Variants in ROBO2 observed in about 807,000 individuals in gnomAD.
The protein encoded by ROBO2 is roundabout homolog 2.
A neutral mutation model predicts 160.8 loss-of-function variants in ROBO2; 53 were observed. The observed-to-expected ratio is 0.33, with a 90% CI of 0.26 to 0.41. The LOEUF is 0.41. Among genes scored for constraint, ROBO2 ranks in the 10% least tolerant of loss-of-function variants. ROBO2 has a pLI of 1.00. For missense variants in ROBO2, 1,577 were observed against 1,722.4 expected, an observed-to-expected ratio of 0.92 and a Z score of 1.49; for synonymous variants, 664 against 611.7, an observed-to-expected ratio of 1.09 and a Z score of -1.26.
chr3:77,630,149 A>T (rs1329890798), intron 23 of ROBO2: 1 of 152,208 alleles, frequency 6.6e-6, no homozygotes, highest in Non-Finnish European at 1.5e-5. Context: ...TAAAGAATGA[A>T]GGATGATGTT....
At chr3:77,139,966 C>A (rs1431731201) in intron 2 of ROBO2, among the ~76,000 whole-genome samples, 1 of 152,124 alleles carries the variant, frequency 6.6e-6, no homozygotes, top group Admixed American at 6.6e-5. Flanking sequence ...TCATGACCAG[C>A]TGAAAGTCAA....
At chr3:76,828,622 AG>A (rs1396201153) in intron 2 of ROBO2, among the ~76,000 whole-genome samples, 1 of 152,146 alleles carries the variant, frequency 6.6e-6, no homozygotes, top group Non-Finnish European at 1.5e-5. Context: ...TCCCATTATT[AG>A]GTAATAATTT....
intron 2 of ROBO2, among the ~76,000 whole-genome samples, chr3:76,170,271 T>C (rs988248717): frequency 2.0e-5 from 3 of 152,188 alleles, no homozygotes; most frequent in African/African-American, 7.2e-5. Flanking sequence ...CCTTTTAAAA[T>C]CCCTTTGCTA....
intron 2 of ROBO2, among the ~76,000 whole-genome samples, chr3:76,844,608 C>T (rs942801530): frequency 9.2e-5 from 14 of 151,830 alleles, no homozygotes; most frequent in Non-Finnish European, 1.3e-4. Flanking sequence ...AAGCTTAATT[C>T]CATAAATGTT....
chr3:77,054,200 C>G (rs1028127195), intron 1 of ROBO2, among the ~76,000 whole-genome samples: 7 of 152,060 alleles, frequency 4.6e-5, no homozygotes, highest in Non-Finnish European at 7.4e-5. Flanking sequence ...TCTTCAAAAC[C>G]AAGACCAAAT....
At chr3:75,940,541 T>A (rs1483722515) in intron 2 of ROBO2, among the ~76,000 whole-genome samples, 2 of 152,136 alleles carry the variant, frequency 1.3e-5, no homozygotes, top group African/African-American at 2.4e-5. Flanking sequence ...ACGTGGACTC[T>A]GTCTGTGTCT....
chr3:76,895,568 G>A (rs2074703595), intron 2 of ROBO2, among the ~76,000 whole-genome samples: 1 of 152,060 alleles, frequency 6.6e-6, no homozygotes, highest in African/African-American at 2.4e-5. Context: ...TATAAGAATA[G>A]TGTTTTAAAA....
chr3:77,410,395 T>C (rs1411446055), intron 2 of ROBO2, among the ~76,000 whole-genome samples: 1 of 152,156 alleles, frequency 6.6e-6, no homozygotes, highest in Non-Finnish European at 1.5e-5. Flanking sequence ...TTGCTTCTAG[T>C]ATGGGCTGAC....
chr3:76,378,667 G>A (rs2076469639), intron 2 of ROBO2, among the ~76,000 whole-genome samples: 2 of 152,156 alleles, frequency 1.3e-5, no homozygotes, highest in Admixed American at 6.6e-5. Context: ...ATCACAGGGA[G>A]CAAAGCCTTC....
At chr3:77,261,271 G>C (rs542343290) in intron 2 of ROBO2, among the ~76,000 whole-genome samples, 1 of 152,098 alleles carries the variant, frequency 6.6e-6, no homozygotes. Context: ...GCCACAGGAG[G>C]CTCCCAGAAG....
chr3:76,495,213 C>CTT (rs35543664), intron 2 of ROBO2, among the ~76,000 whole-genome samples: 2,010 of 136,280 alleles, frequency 0.015, 49 homozygotes, highest in African/African-American at 0.045. Flanking sequence ...TCTTCATTTC[C>CTT]TTTTTTTTTT....
At chr3:77,244,280 A>G (rs1198027377) in intron 2 of ROBO2, among the ~76,000 whole-genome samples, 1 of 152,228 alleles carries the variant, frequency 6.6e-6, no homozygotes, top group East Asian at 1.9e-4. Flanking sequence ...AGTGCTAAAG[A>G]GATGAACAAG....
At chr3:76,469,564 C>T (rs1282650979) in intron 2 of ROBO2, among the ~76,000 whole-genome samples, 2 of 152,074 alleles carry the variant, frequency 1.3e-5, no homozygotes, top group African/African-American at 4.8e-5. Flanking sequence ...CCACACCTCT[C>T]TCTTTGCAAT....
chr3:76,322,163 CGTATAT>C lies in ROBO2; in HGVS notation c.109+384562_109+384567del, dbSNP rs1163571160. ...TATTTGAAATGATTTCTACTTCTTC[CGTATAT>C]ATATATATATATATATATATATATA... On this transcript the variant is annotated intron_variant, in intron 2 of 26. Coordinates refer to the ROBO2 transcript ENST00000487694. Among the ~76,000 whole-genome samples, 35 of 40,168 alleles carry C rather than the reference CGTATAT, an allele frequency of 8.7e-4. 1 individual carries two copies. Among genetic ancestry groups the C allele is most frequent in the Admixed American group, 4.1e-3 (12 of 2,908 alleles). 26.4% of individuals were successfully genotyped at this position (40,168 alleles called of 152,430 possible).
intron 2 of ROBO2, among the ~76,000 whole-genome samples, chr3:75,978,027 C>T (rs1251914789): frequency 6.6e-6 from 1 of 151,396 alleles, no homozygotes; most frequent in African/African-American, 2.4e-5. Context: ...ACAGTATGTT[C>T]CAATTTTTCA....
intron 2 of ROBO2, among the ~76,000 whole-genome samples, chr3:77,179,555 GA>G (rs1319933282): frequency 4.0e-5 from 6 of 150,894 alleles, no homozygotes; most frequent in Admixed American, 1.3e-4. Flanking sequence ...TAAGAGGCAA[GA>G]AAAAAAAGGC....
chr3:76,469,476 A>C (rs2078535820), intron 2 of ROBO2, among the ~76,000 whole-genome samples: 1 of 152,008 alleles, frequency 6.6e-6, no homozygotes, highest in African/African-American at 2.4e-5. Flanking sequence ...AATAAATACA[A>C]AGTCTATTAA....
chr3:76,533,424 G>T (rs373235405), intron 2 of ROBO2, among the ~76,000 whole-genome samples: 2 of 152,176 alleles, frequency 1.3e-5, no homozygotes, highest in East Asian at 1.9e-4. Flanking sequence ...AACTGCAACA[G>T]TTATTTAAAT....
At chr3:77,594,602 C>A (rs1475805704) in intron 17 of ROBO2, among the ~76,000 whole-genome samples, 2 of 152,090 alleles carry the variant, frequency 1.3e-5, no homozygotes, top group Non-Finnish European at 2.9e-5. Flanking sequence ...AATTATAGTT[C>A]ACACCTGTTG....
Sources: allele counts gnomAD v4.1 joint callset (sites outside exome capture counted in the v4.1 genomes callset), GRCh38; gene constraint gnomAD v4.1.1; transcripts MANE v1.5; gene names NCBI Gene and HGNC (gene_info 2026-07-23, HGNC 2026-07-21).